ZNF469: variants seen among roughly 807,000 people sequenced by gnomAD.
ZNF469 encodes zinc finger protein 469.
A neutral mutation model predicts 1.0 loss-of-function variants in ZNF469; 1 was observed. The ratio of observed to expected loss-of-function variants is 1.00; its 90% CI spans 0.35 to 4.73. The LOEUF (loss-of-function observed/expected upper bound fraction) is 4.73. Ranked by LOEUF, ZNF469 falls within the 30% of genes most tolerant of loss-of-function variation. The probability of loss-of-function intolerance (pLI) is 0.16; values close to 1 mark genes in which losing one functional copy is unlikely to be tolerated. For synonymous variants in ZNF469, 2,703 were observed against 2,363.4 expected (o/e 1.14, Z -4.17); for missense variants, 6,100 against 5,356.3 (o/e 1.14, Z -4.33).
At chr16:88,211,997 C>A in the ZNF469 span, among the ~76,000 whole-genome samples, 1 of 152,236 alleles carries the variant, frequency 6.6e-6, no homozygotes, top group Non-Finnish European at 1.5e-5. Context: ...ATTTGTGGAA[C>A]AGCTGGTCTT....
the ZNF469 span, among the ~76,000 whole-genome samples, chr16:88,248,132 G>A: frequency 6.6e-6 from 1 of 152,096 alleles, no homozygotes; most frequent in Non-Finnish European, 1.5e-5. Context: ...TTGGGGGCTT[G>A]TGAACCAACC....
the ZNF469 span, among the ~76,000 whole-genome samples, chr16:88,213,648 C>T: frequency 1.3e-5 from 2 of 152,128 alleles, no homozygotes; most frequent in South Asian, 2.1e-4. Context: ...AAGGGTGCCT[C>T]CTCCTCCTCC....
At chr16:88,127,565 G>C in the ZNF469 span, among the ~76,000 whole-genome samples, 1 of 152,156 alleles carries the variant, frequency 6.6e-6, no homozygotes, top group Admixed American at 6.5e-5. Flanking sequence ...GAGGAGGAGG[G>C]CGGTATTCAG....
chr16:88,310,126 A>C, the ZNF469 span, among the ~76,000 whole-genome samples: 1 of 152,138 alleles, frequency 6.6e-6, no homozygotes, highest in Non-Finnish European at 1.5e-5. Context: ...GGGAGAAGCC[A>C]ATGGGGAGGG....
chr16:88,332,401 G>C, the ZNF469 span, among the ~76,000 whole-genome samples: 1 of 152,222 alleles, frequency 6.6e-6, no homozygotes, highest in Admixed American at 6.5e-5. Flanking sequence ...CCGTCACCGC[G>C]TGCCCTGCCC....
the ZNF469 span, among the ~76,000 whole-genome samples, chr16:88,209,968 C>T: frequency 1.3e-5 from 2 of 152,226 alleles, no homozygotes; most frequent in African/African-American, 4.8e-5. Context: ...AAACTAAACT[C>T]TTCCTCCAAG....
the ZNF469 span, among the ~76,000 whole-genome samples, chr16:88,223,263 T>C: frequency 2.0e-5 from 3 of 152,218 alleles, no homozygotes; most frequent in African/African-American, 7.2e-5. Context: ...AGTGAATAAG[T>C]CTCATGCGAT....
At position 88,430,668 on chromosome 16, in the gene ZNF469, G is replaced by A. The variant is rs1906097712; in HGVS notation, c.3198G>A (p.Gly1066=). Residue 1066 remains glycine (G), a synonymous_variant, in exon 3 of 3, where the codon GGG becomes GGA. Transcript: ENST00000565624. The part of the protein sequence containing the change: ...QQKNRRHRRL[G]RRAGRCGSLA... ...AGAACAGGCGCCACCGGCGGCTGGG[G>A]CGGCGGGCGGGCAGGTGCGGCTCCC... 8.0e-6 allele frequency: 12 copies of A among 1,495,468 alleles called. No homozygotes were observed. Among genetic ancestry groups the A allele is most frequent in the Non-Finnish European group, 1.1e-5 (12 of 1,129,528 alleles). The allele number at this position is 1,495,468 out of a possible 1,614,324, so 92.6% of individuals were successfully genotyped here.
the ZNF469 span, among the ~76,000 whole-genome samples, chr16:88,185,143 GCACACT>G: frequency 7.8e-3 from 294 of 37,832 alleles, 2 homozygotes; most frequent in African/African-American, 0.016. Flanking sequence ...ACACCCATGT[GCACACT>G]CACACTCACA....
the ZNF469 span, among the ~76,000 whole-genome samples, chr16:88,272,547 CAG>C: frequency 6.6e-6 from 1 of 151,096 alleles, no homozygotes; most frequent in Non-Finnish European, 1.5e-5. Flanking sequence ...GATGAATGAA[CAG>C]GTGGGTGTAT....
At chr16:88,119,433 A>C in the ZNF469 span, among the ~76,000 whole-genome samples, 1 of 152,218 alleles carries the variant, frequency 6.6e-6, no homozygotes, top group Non-Finnish European at 1.5e-5. Flanking sequence ...TGATGAGAAT[A>C]ACCTTGCACG....
chr16:88,253,818 C>T, the ZNF469 span, among the ~76,000 whole-genome samples: 3 of 152,168 alleles, frequency 2.0e-5, no homozygotes, highest in Non-Finnish European at 4.4e-5. Context: ...GGATTACAGG[C>T]GTGCACCACC....
the ZNF469 span, among the ~76,000 whole-genome samples, chr16:88,258,659 GC>G: frequency 0.14 from 21,248 of 152,094 alleles, 1,522 homozygotes; most frequent in South Asian, 0.26. Context: ...GGAGATTTGA[GC>G]GTTTGGGTGA....
At chr16:88,323,156 G>A in the ZNF469 span, among the ~76,000 whole-genome samples, 2 of 152,320 alleles carry the variant, frequency 1.3e-5, no homozygotes, top group Non-Finnish European at 2.9e-5. Flanking sequence ...ATGTTGTGCA[G>A]TCAGGAGCCA....
the ZNF469 span, among the ~76,000 whole-genome samples, chr16:88,339,200 G>C: frequency 1.7e-5 from 2 of 118,264 alleles, no homozygotes; most frequent in Non-Finnish European, 3.5e-5. Context: ...GGGATGTGGG[G>C]ACAGGATGGC....
chr16:88,167,109 TG>T, the ZNF469 span, among the ~76,000 whole-genome samples: 1 of 144,296 alleles, frequency 6.9e-6, no homozygotes, highest in Non-Finnish European at 1.5e-5. Flanking sequence ...TCCTCCAGGC[TG>T]GAGTGCAGTG....
chr16:88,297,407 T>G, the ZNF469 span, among the ~76,000 whole-genome samples: 2 of 152,108 alleles, frequency 1.3e-5, no homozygotes, highest in South Asian at 4.1e-4. Context: ...CTCCATGCAC[T>G]TTTTTTGTTT....
chr16:88,381,521 G>A (rs1412499770), upstream of ZNF469, among the ~76,000 whole-genome samples: 1 of 152,212 alleles, frequency 6.6e-6, no homozygotes, highest in South Asian at 2.1e-4. Context: ...TGGGGTCTTT[G>A]TCCACAGCCA....
At chr16:88,185,421 A>C in the ZNF469 span, among the ~76,000 whole-genome samples, 1 of 152,214 alleles carries the variant, frequency 6.6e-6, no homozygotes, top group Non-Finnish European at 1.5e-5. Context: ...ACTCACATGA[A>C]TACAATAGAA....
Sources: allele counts gnomAD v4.1 joint callset (sites outside exome capture counted in the v4.1 genomes callset), GRCh38; gene constraint gnomAD v4.1.1; transcripts MANE v1.5; gene names NCBI Gene and HGNC (gene_info 2026-07-23, HGNC 2026-07-21).